The following B3GALT1 variants were observed in gnomAD, a reference collection of about 807,000 sequenced individuals.
B3GALT1 encodes beta-1,3-galactosyltransferase 1, also known as UDP-Gal:betaGlcNAc beta 1,3-galactosyltransferase, polypeptide 1.
B3GALT1 carries 10 observed loss-of-function variants against 23.2 expected under a neutral mutation model. The ratio of observed to expected loss-of-function variants is 0.43; its 90% confidence interval spans 0.27 to 0.73. The LOEUF is 0.73. Ranked by LOEUF, B3GALT1 falls within the 30% of genes least tolerant of loss-of-function variation. B3GALT1 has a pLI of 0.21. For synonymous variants in B3GALT1, 156 were observed against 141.5 expected (o/e 1.10, Z -0.73); for missense variants, 299 against 405.4 (o/e 0.74, Z 2.25).
intron 3 of B3GALT1, chr2:167,715,169 G>T: frequency 6.2e-7 from 1 of 1,613,864 alleles, no homozygotes; most frequent in African/African-American, 1.3e-5. Context: ...ACCATTTTCC[G>T]ATTGACTGTT....
chr2:167,864,640 TC>T (rs1378474302), intron 4 of B3GALT1, among the ~76,000 whole-genome samples: 2 of 152,188 alleles, frequency 1.3e-5, no homozygotes, highest in Non-Finnish European at 2.9e-5. Context: ...CCCTGGGCTT[TC>T]CCATCCAAGA....
chr2:167,473,291 G>C (rs1699444185), intron 1 of B3GALT1, among the ~76,000 whole-genome samples: 2 of 152,080 alleles, frequency 1.3e-5, no homozygotes, highest in South Asian at 4.1e-4. Flanking sequence ...TCTTACAAGG[G>C]TTACTTAAGA....
intron 3 of B3GALT1, among the ~76,000 whole-genome samples, chr2:167,710,367 C>T (rs1466140205): frequency 6.6e-6 from 1 of 152,160 alleles, no homozygotes; most frequent in African/African-American, 2.4e-5. Context: ...TTAGAAGCAA[C>T]CTTAGAGAAC....
Position 167,716,252 on chromosome 2 carries a change from G to GC in B3GALT1, c.-352+69292dup, listed in dbSNP as rs762001630. On this transcript the variant is annotated intron_variant, in intron 3 of 4. Transcript: ENST00000392690. Reference sequence around the variant, plus strand: ...CCCACAGGCCTCACAGGCCCGTGCTGCCCCCCGCACCCTCCCTCGGCCCCC... The same window carrying GC: ...CCCACAGGCCTCACAGGCCCGTGCTGCCCCCCCGCACCCTCCCTCGGCCCCC... Among the ~76,000 whole-genome samples, 8 of 151,754 alleles carry GC rather than the reference G, an allele frequency of 5.3e-5. No homozygotes were observed. The East Asian group carries it at 5.8e-4, about 11-fold the overall frequency.
chr2:167,404,158 G>A (rs150455013), intron 1 of B3GALT1, among the ~76,000 whole-genome samples: 57 of 152,152 alleles, frequency 3.7e-4, no homozygotes, highest in African/African-American at 1.3e-3. Flanking sequence ...GAGATCACAT[G>A]GCAAGAAAGG....
At chr2:167,764,454 C>T (rs1356501159) in intron 3 of B3GALT1, among the ~76,000 whole-genome samples, 1 of 152,170 alleles carries the variant, frequency 6.6e-6, no homozygotes, top group Non-Finnish European at 1.5e-5. Context: ...ATCCCAGAGA[C>T]ATAAATGGTT....
At chr2:167,812,105 C>T (rs1305886459) in intron 3 of B3GALT1, among the ~76,000 whole-genome samples, 2 of 152,194 alleles carry the variant, frequency 1.3e-5, no homozygotes, top group Admixed American at 1.3e-4. Flanking sequence ...CAACTGCCCC[C>T]AGATGGTCAG....
chr2:167,548,291 G>A (rs1489112331), intron 2 of B3GALT1, among the ~76,000 whole-genome samples: 1 of 152,166 alleles, frequency 6.6e-6, no homozygotes, highest in African/African-American at 2.4e-5. Flanking sequence ...ATCAAAAAGA[G>A]AAATCAAGCT....
At chr2:167,317,324 G>T (rs1696735048) in intron 1 of B3GALT1, among the ~76,000 whole-genome samples, 1 of 152,126 alleles carries the variant, frequency 6.6e-6, no homozygotes, top group Non-Finnish European at 1.5e-5. Flanking sequence ...GCTTTGAAGG[G>T]AATCATGTGC....
At chr2:167,651,262 G>A (rs1398773168) in intron 3 of B3GALT1, among the ~76,000 whole-genome samples, 1 of 10,094 alleles carries the variant, frequency 9.9e-5, no homozygotes, top group African/African-American at 1.1e-4. Flanking sequence ...GTGTGTGTGT[G>A]TGTGTGTGTG....
At chr2:167,778,008 G>T (rs971403343) in intron 3 of B3GALT1, among the ~76,000 whole-genome samples, 3 of 151,966 alleles carry the variant, frequency 2.0e-5, no homozygotes, top group African/African-American at 7.3e-5. Flanking sequence ...GTATCACAAA[G>T]AATTATCTAG....
At chr2:167,607,556 T>C (rs1323801562) in intron 2 of B3GALT1, among the ~76,000 whole-genome samples, 1 of 152,194 alleles carries the variant, frequency 6.6e-6, no homozygotes, top group Non-Finnish European at 1.5e-5. Context: ...CACACGTGCA[T>C]ACACGCAGGC....
At chr2:167,863,044 C>T (rs750702670) in intron 4 of B3GALT1, among the ~76,000 whole-genome samples, 2 of 152,190 alleles carry the variant, frequency 1.3e-5, no homozygotes, top group African/African-American at 4.8e-5. Flanking sequence ...AGGAAAATGA[C>T]AAGTGTTACA....
chr2:167,805,226 A>G (rs904983918), intron 3 of B3GALT1, among the ~76,000 whole-genome samples: 1 of 152,160 alleles, frequency 6.6e-6, no homozygotes, highest in Non-Finnish European at 1.5e-5. Context: ...TCTGGATATT[A>G]GCCCTTTGTC....
At chr2:167,729,059 A>G (rs1354145193) in intron 3 of B3GALT1, among the ~76,000 whole-genome samples, 1 of 152,142 alleles carries the variant, frequency 6.6e-6, no homozygotes, top group Admixed American at 6.5e-5. Flanking sequence ...CTTGTTTGTT[A>G]TATGTGTTTC....
At chr2:167,301,264 A>G (rs1445417992) in intron 1 of B3GALT1, among the ~76,000 whole-genome samples, 1 of 152,182 alleles carries the variant, frequency 6.6e-6, no homozygotes, top group Non-Finnish European at 1.5e-5. Context: ...ATCCACAACA[A>G]AGGAAGGTAT....
intron 2 of B3GALT1, among the ~76,000 whole-genome samples, chr2:167,639,221 G>T (rs1185547233): frequency 6.6e-6 from 1 of 152,032 alleles, no homozygotes; most frequent in Admixed American, 6.6e-5. Flanking sequence ...TTAAGACATA[G>T]AAAGTTACAT....
intron 1 of B3GALT1, among the ~76,000 whole-genome samples, chr2:167,329,002 A>G (rs914724175): frequency 6.6e-6 from 1 of 151,896 alleles, no homozygotes; most frequent in Non-Finnish European, 1.5e-5. Flanking sequence ...TAGTAGAGAC[A>G]GGGTTTCACT....
At chr2:167,718,013 C>A (rs2044682) in intron 3 of B3GALT1, among the ~76,000 whole-genome samples, 72,165 of 151,946 alleles carry the variant, frequency 0.47, 17,587 homozygotes, top group East Asian at 0.71. Context: ...AGTTTTTTAA[C>A]TGTGTTTGTC....
Sources: gnomAD v4.1 joint callset for allele counts (sites outside exome capture counted in the v4.1 genomes callset) on GRCh38, gnomAD v4.1.1 for gene constraint, MANE v1.5 for transcripts, NCBI Gene and HGNC (gene_info 2026-07-23, HGNC 2026-07-21) for gene names.